Variants in FHIT observed in about 807,000 individuals in gnomAD.
FHIT encodes fragile histidine triad diadenosine triphosphatase.
Under a neutral mutation model 17.9 loss-of-function variants are expected in FHIT, and 19 were observed. That is an observed-to-expected ratio of 1.06 (90% CI 0.74 to 1.56). FHIT has a LOEUF of 1.56. FHIT is among the 40% of genes most tolerant of loss of function. The pLI, the probability that FHIT is intolerant of heterozygous loss-of-function variation, is 0.00. For synonymous variants in FHIT, 81 were observed against 69.7 expected, an observed-to-expected ratio of 1.16 and a Z score of -0.81; for missense variants, 248 against 189.2, an observed-to-expected ratio of 1.31 and a Z score of -1.82.
rs548420569 is a variant in FHIT at position 59,912,164 on chromosome 3, G to A, written c.348+10182C>T. ...TCTACTAACTCATCAGTATGCTAAT[G>A]TCATTATCATATCACAGTCTCCCTC... is the stretch of plus-strand genomic sequence containing the variant. On this transcript the variant is annotated intron_variant, in intron 8 of 9. Transcript: ENST00000492590. 2.6e-5 allele frequency among the ~76,000 whole-genome samples: 4 copies of A among 152,292 alleles called. 1 individual carries two copies. The South Asian group carries it at 8.3e-4, about 32-fold the overall frequency.
chr3:59,966,422 T>C (rs2107364740), intron 7 of FHIT, among the ~76,000 whole-genome samples: 1 of 152,286 alleles, frequency 6.6e-6, no homozygotes, highest in African/African-American at 2.4e-5. Context: ...CATGTGTTAC[T>C]TAACAATGGG....
intron 4 of FHIT, among the ~76,000 whole-genome samples, chr3:60,661,694 C>A (rs2040251104): frequency 6.6e-6 from 1 of 152,130 alleles, no homozygotes. Context: ...TTCCTTTTCA[C>A]CACATCCCCA....
chr3:59,792,882 GGT>G, intron 8 of FHIT, among the ~76,000 whole-genome samples: 1 of 144,536 alleles, frequency 6.9e-6, no homozygotes, highest in South Asian at 2.4e-4. Flanking sequence ...TGGGGGGGGG[GGT>G]CATGAACCTC....
In FHIT at chr3:59,950,991, A is replaced by T. The variant is rs148600160; in HGVS notation, c.280-28577T>A. On this transcript the variant is annotated intron_variant, in intron 7 of 9. Coordinates refer to ENST00000492590, the MANE Select transcript of FHIT (RefSeq NM_002012.4). The stretch of plus-strand genomic sequence containing the variant: ...CTTTCATATGGTTTGGCATAGTAAC[A>T]ACAATGGCAGCAGGAGCCCTTGCTA... Among the ~76,000 whole-genome samples, 536 of 152,334 alleles carry T rather than the reference A, an allele frequency of 3.5e-3. 5 individuals carry two copies. The highest frequency in any genetic ancestry group is 0.012 in the African/African-American group (509 of 41,574).
chr3:60,851,488 C>T (rs2106914052), intron 3 of FHIT, among the ~76,000 whole-genome samples: 1 of 152,224 alleles, frequency 6.6e-6, no homozygotes, highest in African/African-American at 2.4e-5. Context: ...TTCTAAGAGG[C>T]ATATATTCAT....
chr3:61,204,909 G>C (rs1439686824), intron 1 of FHIT, among the ~76,000 whole-genome samples: 1 of 151,782 alleles, frequency 6.6e-6, no homozygotes, highest in South Asian at 2.1e-4. Flanking sequence ...GTGCCATGTT[G>C]GTGTGCTGCA....
At chr3:60,635,019 C>T (rs72872745) in intron 4 of FHIT, among the ~76,000 whole-genome samples, 2,040 of 152,224 alleles carry the variant, frequency 0.013, 57 homozygotes, top group African/African-American at 0.047. Context: ...CTACTGCATG[C>T]CCCACTGCGC....
intron 4 of FHIT, among the ~76,000 whole-genome samples, chr3:60,600,995 C>G (rs558987987): frequency 1.3e-5 from 2 of 152,256 alleles, no homozygotes; most frequent in Non-Finnish European, 2.9e-5. Context: ...TTTCTCCATT[C>G]AAGGACAACC....
chr3:60,214,126 C>G (rs1469029633), intron 5 of FHIT, among the ~76,000 whole-genome samples: 1 of 152,090 alleles, frequency 6.6e-6, no homozygotes, highest in African/African-American at 2.4e-5. Context: ...AACAGAAGGT[C>G]CAAGATTTCA....
intron 5 of FHIT, among the ~76,000 whole-genome samples, chr3:60,073,421 T>A (rs576495597): frequency 6.6e-6 from 1 of 152,248 alleles, no homozygotes; most frequent in Admixed American, 6.5e-5. Context: ...CTATTACTCA[T>A]TATCCTGGGA....
At chr3:61,024,599 C>T (rs1364671593) in intron 3 of FHIT, among the ~76,000 whole-genome samples, 1 of 152,160 alleles carries the variant, frequency 6.6e-6, no homozygotes, top group Non-Finnish European at 1.5e-5. Flanking sequence ...GAAAGAAAAA[C>T]ATTGTCAAGA....
At chr3:60,077,367 T>A (rs1048766728) in intron 5 of FHIT, 3 of 152,006 alleles carry the variant, frequency 2.0e-5, no homozygotes, top group Admixed American at 6.6e-5. Context: ...TAAATTAGCA[T>A]ACCTGATGTC....
At chr3:59,833,561 T>C (rs1575565072) in intron 8 of FHIT, among the ~76,000 whole-genome samples, 1 of 152,106 alleles carries the variant, frequency 6.6e-6, no homozygotes, top group African/African-American at 2.4e-5. Flanking sequence ...TATGAAACAA[T>C]AAATTTCTAA....
At chr3:60,014,420 A>G (rs1285110443) in intron 5 of FHIT, among the ~76,000 whole-genome samples, 1 of 152,210 alleles carries the variant, frequency 6.6e-6, no homozygotes, top group Admixed American at 6.5e-5. Context: ...GACAGACTCA[A>G]GTGTATGGTG....
intron 5 of FHIT, among the ~76,000 whole-genome samples, chr3:60,383,291 C>T (rs1700880611): frequency 6.6e-6 from 1 of 152,106 alleles, no homozygotes; most frequent in South Asian, 2.1e-4. Flanking sequence ...TAATTTGCCA[C>T]TTATGATTAC....
At chr3:61,249,773 C>A (rs980653105) in intron 1 of FHIT, among the ~76,000 whole-genome samples, 1 of 151,910 alleles carries the variant, frequency 6.6e-6, no homozygotes, top group East Asian at 1.9e-4. Flanking sequence ...CAAGTTTTTT[C>A]TCATATACAA....
intron 4 of FHIT, among the ~76,000 whole-genome samples, chr3:60,620,795 T>C (rs2039102170): frequency 6.6e-6 from 1 of 152,016 alleles, no homozygotes; most frequent in Admixed American, 6.6e-5. Context: ...TAACATAACC[T>C]ACAGACTTGG....
chr3:60,527,222 T>C (rs12497397), intron 5 of FHIT, among the ~76,000 whole-genome samples: 11,109 of 152,288 alleles, frequency 0.073, 874 homozygotes, highest in East Asian at 0.17. Context: ...CTAAACAGAA[T>C]AGAAAATACT....
chr3:61,155,000 C>T (rs1163729143), intron 2 of FHIT, among the ~76,000 whole-genome samples: 1 of 152,248 alleles, frequency 6.6e-6, no homozygotes, highest in East Asian at 1.9e-4. Context: ...AAAGGCAATA[C>T]TCCCAGGCAA....
Sources: gnomAD v4.1 joint callset for allele counts (sites outside exome capture counted in the v4.1 genomes callset) on GRCh38, gnomAD v4.1.1 for gene constraint, MANE v1.5 for transcripts, NCBI Gene and HGNC (gene_info 2026-07-23, HGNC 2026-07-21) for gene names.